The following OR56A3 variants were observed in gnomAD, a reference collection of about 807,000 sequenced individuals.
OR56A3 encodes the protein olfactory receptor 56A3.
Under a neutral mutation model 17.5 loss-of-function variants are expected in OR56A3, and 23 were observed. The ratio of observed to expected loss-of-function variants is 1.32; its 90% CI spans 0.95 to 1.87. The LOEUF is 1.87. Among genes scored for constraint, OR56A3 ranks in the 40% most tolerant of loss-of-function variants. OR56A3 has a pLI of 0.00. For synonymous variants in OR56A3, 175 were observed against 150.6 expected, an observed-to-expected ratio of 1.16 and a Z score of -1.19; for missense variants, 366 against 380.1, an observed-to-expected ratio of 0.96 and a Z score of 0.31.
the OR56A3 span, among the ~76,000 whole-genome samples, chr11:6,016,725 A>G: frequency 2.6e-5 from 4 of 151,950 alleles, no homozygotes; most frequent in Non-Finnish European, 4.4e-5. Context: ...AAAGAAGTTC[A>G]GTGAGATACA....
chr11:6,016,674 A>C, the OR56A3 span, among the ~76,000 whole-genome samples: 1 of 152,148 alleles, frequency 6.6e-6, no homozygotes, highest in Non-Finnish European at 1.5e-5. Flanking sequence ...TGAAAAAGAA[A>C]TTTATTAAAT....
the OR56A3 span, chr11:5,985,868 T>G: frequency 2.8e-6 from 4 of 1,404,552 alleles, no homozygotes; most frequent in Non-Finnish European, 2.9e-6. Flanking sequence ...TCATGTAATC[T>G]ACACCAGTCA....
chr11:5,979,778 C>T, the OR56A3 span, among the ~76,000 whole-genome samples: 39 of 151,662 alleles, frequency 2.6e-4, no homozygotes, highest in African/African-American at 8.9e-4. Context: ...TTTCTAGTTC[C>T]TCTAGGTGGG....
chr11:6,001,979 AAATT>A, the OR56A3 span: 2 of 1,441,226 alleles, frequency 1.4e-6, no homozygotes, highest in Non-Finnish European at 1.9e-6. Flanking sequence ...TTCCAACATA[AAATT>A]AATTCCCTAT....
At chr11:5,984,465 T>A in the OR56A3 span, among the ~76,000 whole-genome samples, 1 of 152,108 alleles carries the variant, frequency 6.6e-6, no homozygotes, top group Non-Finnish European at 1.5e-5. Context: ...TCTTCCATCT[T>A]CAGTTCACAT....
downstream of OR56A3, among the ~76,000 whole-genome samples, chr11:5,956,066 T>C (rs2134368969): frequency 6.6e-6 from 1 of 152,320 alleles, no homozygotes; most frequent in South Asian, 2.1e-4. Flanking sequence ...TTAATAGAGG[T>C]ATTTCCATTT....
chr11:5,967,890 T>C, the OR56A3 span: 4 of 1,584,984 alleles, frequency 2.5e-6, no homozygotes, highest in Non-Finnish European at 2.6e-6. Context: ...TATAACAAAC[T>C]GGTAGCTCTG....
downstream of OR56A3, among the ~76,000 whole-genome samples, chr11:5,955,289 C>T (rs1026186234): frequency 3.3e-5 from 5 of 152,148 alleles, no homozygotes; most frequent in African/African-American, 1.2e-4. Context: ...CAGCTTGTAA[C>T]TTATGATTTT....
the OR56A3 span, chr11:6,006,191 G>A: frequency 2.2e-4 from 34 of 152,306 alleles, no homozygotes; most frequent in East Asian, 6.0e-3. Context: ...TGGACTTCCA[G>A]TAGCACTGAT....
chr11:5,948,920 A>G lies in OR56A3; in HGVS notation c.*626A>G, dbSNP rs1467193950. The G allele has an allele frequency of 6.6e-6, 1 of 152,572 alleles. No homozygotes were observed. The allele number at this position is 152,572 out of a possible 1,614,324, so 9.5% of individuals were successfully genotyped here. On this transcript the variant is annotated 3_prime_UTR_variant, in exon 3 of 3. Transcript: ENST00000641160. Reference sequence around the variant, plus strand: ...GCAAGAGGGCAAGGGTTTTGCCTTGATTCCTCATGAGTAACAATTATCAAT... The same window carrying G: ...GCAAGAGGGCAAGGGTTTTGCCTTGGTTCCTCATGAGTAACAATTATCAAT...
At chr11:5,976,734 AG>A in the OR56A3 span, among the ~76,000 whole-genome samples, 1 of 151,490 alleles carries the variant, frequency 6.6e-6, no homozygotes, top group Non-Finnish European at 1.5e-5. Context: ...CTTATATTTT[AG>A]GCTCATGGAG....
At chr11:5,967,617 A>G in the OR56A3 span, 3 of 1,613,908 alleles carry the variant, frequency 1.9e-6, no homozygotes, top group East Asian at 2.2e-5. Context: ...ACCATAAACA[A>G]TGGGGTTCAG....
At chr11:6,020,179 T>A in the OR56A3 span, 1 of 152,166 alleles carries the variant, frequency 6.6e-6, no homozygotes, top group Non-Finnish European at 1.5e-5. Context: ...AAATACATTG[T>A]TTCCAATCAA....
At chr11:5,971,049 G>A in the OR56A3 span, among the ~76,000 whole-genome samples, 2 of 152,250 alleles carry the variant, frequency 1.3e-5, no homozygotes, top group Non-Finnish European at 2.9e-5. Flanking sequence ...AGCTGAATGA[G>A]CTGTGGGCCA....
chr11:5,948,046 G>C lies in OR56A3; in HGVS notation c.700G>C (p.Ala234Pro), dbSNP rs746443972. The change falls in exon 3 of 3, where the codon GCA (alanine) becomes CCA (proline). Residue 234 changes from alanine (A) to proline (P), a missense_variant. Coordinates refer to ENST00000641160, the MANE Select transcript of OR56A3 (RefSeq NM_001003443.3). Reference sequence around the variant, plus strand: ...TCTGCGAGCTGTGCTGAGACTCAAGGCAGAGGGTGCCGTGGCAAAGGCCCT... The same window carrying C: ...TCTGCGAGCTGTGCTGAGACTCAAGCCAGAGGGTGCCGTGGCAAAGGCCCT... ...FILRAVLRLK[A>P]EGAVAKALST... The C allele has an allele frequency of 7.4e-6, 12 of 1,614,092 alleles. No individual in the cohort carries two copies. The African/African-American group carries it at 1.6e-4, about 22-fold the overall frequency.
chr11:5,979,653 G>A, the OR56A3 span, among the ~76,000 whole-genome samples: 3,084 of 151,874 alleles, frequency 0.02, 92 homozygotes, highest in African/African-American at 0.068. Context: ...AAAGAAAAAC[G>A]TTTTGGTTTC....
At chr11:5,988,738 A>G in the OR56A3 span, among the ~76,000 whole-genome samples, 1 of 152,210 alleles carries the variant, frequency 6.6e-6, no homozygotes, top group Non-Finnish European at 1.5e-5. Context: ...TATAACAAAC[A>G]ATTCAGTGTC....
chr11:5,950,890 G>C lies in OR56A3; in HGVS notation c.*2596G>C, dbSNP rs967592022. 3.9e-5 allele frequency: 6 copies of C among 152,064 alleles called. No homozygotes were observed. The highest frequency in any genetic ancestry group is 7.2e-5 in the African/African-American group (3 of 41,414). The allele number at this position is 152,064 out of a possible 1,614,324, so 9.4% of individuals were successfully genotyped here. On this transcript the variant is annotated 3_prime_UTR_variant, in exon 3 of 3. Coordinates refer to ENST00000641160, the MANE Select transcript of OR56A3 (RefSeq NM_001003443.3). ...TCTAGAAATTTTGCTTTGAAAGTCAGATATGGATAGAAAATAAAGTTAATT... is the reference window on the plus strand; with the variant it reads ...TCTAGAAATTTTGCTTTGAAAGTCACATATGGATAGAAAATAAAGTTAATT...
chr11:5,962,754 G>T, the OR56A3 span, among the ~76,000 whole-genome samples: 3 of 151,948 alleles, frequency 2.0e-5, no homozygotes, highest in Non-Finnish European at 4.4e-5. Flanking sequence ...TAGCCAGGAT[G>T]GTCTCGATCT....
Sources: gnomAD v4.1 joint callset for allele counts (sites outside exome capture counted in the v4.1 genomes callset) on GRCh38, gnomAD v4.1.1 for gene constraint, MANE v1.5 for transcripts, NCBI Gene and HGNC (gene_info 2026-07-23, HGNC 2026-07-21) for gene names.